The following MCTP1 variants were observed in gnomAD, a reference collection of about 807,000 sequenced individuals.
MCTP1 encodes the protein multiple C2 and transmembrane domain-containing protein 1.
MCTP1 carries 69 observed loss-of-function variants against 120.6 expected under a neutral mutation model. The observed-to-expected ratio is 0.57, with a 90% CI of 0.47 to 0.70. The LOEUF (loss-of-function observed/expected upper bound fraction) is 0.70, where lower values mean the gene tolerates loss of function less well. Ranked by LOEUF, MCTP1 falls within the 30% of genes least tolerant of loss-of-function variation. MCTP1 has a pLI of 0.00. For synonymous variants in MCTP1, 529 were observed against 493.1 expected (o/e 1.07, Z -0.96); for missense variants, 1,203 against 1,248.8 (o/e 0.96, Z 0.55).
intron 19 of MCTP1, among the ~76,000 whole-genome samples, chr5:94,749,709 C>A (rs1416720924): frequency 1.4e-5 from 2 of 142,352 alleles, no homozygotes; most frequent in Non-Finnish European, 3.0e-5. Flanking sequence ...GGAAAATGAG[C>A]TACTTTTCCC....
At chr5:94,768,330 A>AT (rs1773274599) in intron 19 of MCTP1, among the ~76,000 whole-genome samples, 1 of 152,192 alleles carries the variant, frequency 6.6e-6, no homozygotes, top group African/African-American at 2.4e-5. Flanking sequence ...GAAATACATC[A>AT]GGACATTGGT....
chr5:94,850,112 T>C (rs1000351675), intron 17 of MCTP1, among the ~76,000 whole-genome samples: 4 of 152,168 alleles, frequency 2.6e-5, no homozygotes, highest in African/African-American at 9.7e-5. Context: ...TTTTAGAAGA[T>C]TTGTGGATTA....
Position 95,099,669 on chromosome 5 carries a change from TTGG to T in MCTP1, c.721-82188_721-82186del, listed in dbSNP as rs1048518070. Among the ~76,000 whole-genome samples the T allele has an allele frequency of 7.6e-4, 115 of 151,070 alleles. 3 individuals carry two copies. The highest frequency in any genetic ancestry group is 2.5e-3 in the African/African-American group (104 of 41,036). On this transcript the variant is annotated intron_variant, in intron 1 of 22. Transcript: ENST00000515393. Reference sequence around the variant, plus strand: ...GAGAAATAGGAACACTTTTACACTGTTGGTGGGACTGTAAACTAGTTCGACCAT... The same window carrying T: ...GAGAAATAGGAACACTTTTACACTGTTGGGACTGTAAACTAGTTCGACCAT...
intron 2 of MCTP1, among the ~76,000 whole-genome samples, chr5:94,984,699 G>C (rs1346150033): frequency 6.6e-6 from 1 of 152,070 alleles, no homozygotes; most frequent in African/African-American, 2.4e-5. Flanking sequence ...CTGATAGATG[G>C]CTTTTCTTCT....
At chr5:95,085,188 T>A (rs1755333399) in intron 1 of MCTP1, among the ~76,000 whole-genome samples, 1 of 152,078 alleles carries the variant, frequency 6.6e-6, no homozygotes, top group Admixed American at 6.6e-5. Flanking sequence ...TCTTTACCTA[T>A]CCCATTACCT....
chr5:95,182,284 G>A (rs966341101), intron 1 of MCTP1, among the ~76,000 whole-genome samples: 9 of 152,118 alleles, frequency 5.9e-5, no homozygotes, highest in African/African-American at 2.2e-4. Flanking sequence ...AAGGCACAAA[G>A]GAGAAAACAT....
At position 94,963,357 on chromosome 5, in the gene MCTP1, T is replaced by TATTA. The variant is rs1554158353; in HGVS notation, c.839-9997_839-9996insTAAT. On this transcript the variant is annotated intron_variant, in intron 2 of 22. Transcript: ENST00000515393. Reference sequence around the variant, plus strand: ...TGCTAGGTAATATTGTAATTCTATTTTTTTTTTTTTTTGAGAAACCTCCAT... The same window carrying TATTA: ...TGCTAGGTAATATTGTAATTCTATTTATTATTTTTTTTTTTTGAGAAACCTCCAT... Among the ~76,000 whole-genome samples the TATTA allele has an allele frequency of 7.7e-3, 1,139 of 148,552 alleles. 12 individuals carry two copies. The highest frequency in any genetic ancestry group is 0.025 in the African/African-American group (1,008 of 40,192).
At chr5:94,838,249 A>C (rs1319921551) in intron 17 of MCTP1, among the ~76,000 whole-genome samples, 1 of 152,236 alleles carries the variant, frequency 6.6e-6, no homozygotes, top group Admixed American at 6.5e-5. Context: ...GTAAGTTATA[A>C]AAGTTTCATT....
In MCTP1 at chr5:95,231,453, A is replaced by T. The variant is rs113266085; in HGVS notation, c.720+52403T>A. ...CAGCCACAAAAACAAAAACAGACCA[A>T]ATCTATGATGTGAATCTATAGTTTT... On this transcript the variant is annotated intron_variant, in intron 1 of 22. Transcript: ENST00000515393. Among the ~76,000 whole-genome samples, 1,094 of 152,250 alleles carry T rather than the reference A, an allele frequency of 7.2e-3. 9 individuals carry two copies. Among genetic ancestry groups the T allele is most frequent in the African/African-American group, 0.025 (1,038 of 41,548 alleles).
intron 1 of MCTP1, among the ~76,000 whole-genome samples, chr5:95,231,612 C>T (rs916356264): frequency 3.9e-5 from 6 of 152,116 alleles, no homozygotes; most frequent in African/African-American, 1.4e-4. Flanking sequence ...GTAGCTGTAG[C>T]AGAGCCAGTG....
At chr5:94,764,847 A>C (rs2152866566) in intron 19 of MCTP1, among the ~76,000 whole-genome samples, 1 of 151,716 alleles carries the variant, frequency 6.6e-6, no homozygotes, top group South Asian at 2.1e-4. Flanking sequence ...AAAAAAAAAA[A>C]AAAAATCAAA....
At chr5:95,214,969 C>G (rs1464936304) in intron 1 of MCTP1, among the ~76,000 whole-genome samples, 1 of 151,900 alleles carries the variant, frequency 6.6e-6, no homozygotes, top group Non-Finnish European at 1.5e-5. Flanking sequence ...ACATATGTAA[C>G]AAACCTGCAC....
intron 1 of MCTP1, chr5:95,023,987 AT>A: frequency 2.7e-6 from 1 of 371,010 alleles, no homozygotes. Flanking sequence ...GCCTTCGTCT[AT>A]TTTGGACACT....
At chr5:95,160,352 G>C (rs972678336) in intron 1 of MCTP1, among the ~76,000 whole-genome samples, 1 of 152,112 alleles carries the variant, frequency 6.6e-6, no homozygotes, top group Non-Finnish European at 1.5e-5. Flanking sequence ...AATGGAGAAG[G>C]AGTACAATTA....
chr5:95,242,650 C>T (rs754519627), intron 1 of MCTP1, among the ~76,000 whole-genome samples: 9 of 151,996 alleles, frequency 5.9e-5, no homozygotes, highest in East Asian at 1.9e-4. Flanking sequence ...ATAAAAAGGA[C>T]GTATACTTTT....
intron 2 of MCTP1, among the ~76,000 whole-genome samples, chr5:94,984,158 A>G (rs1319488471): frequency 1.3e-5 from 2 of 152,328 alleles, no homozygotes; most frequent in Middle Eastern, 3.4e-3. Flanking sequence ...AGTATCCTCC[A>G]TAAGTTTCCA....
chr5:94,796,621 A>G (rs1253131482), intron 18 of MCTP1, among the ~76,000 whole-genome samples: 1 of 96,580 alleles, frequency 1.0e-5, no homozygotes, highest in Non-Finnish European at 2.2e-5. Flanking sequence ...TATAATATAT[A>G]TAATATATAT....
intron 1 of MCTP1, among the ~76,000 whole-genome samples, chr5:95,129,758 C>T (rs558840200): frequency 1.3e-5 from 2 of 152,098 alleles, no homozygotes; most frequent in East Asian, 3.9e-4. Context: ...CTTCTGGGTT[C>T]GAGCAATTCT....
intron 1 of MCTP1, among the ~76,000 whole-genome samples, chr5:95,074,975 C>G (rs1753190566): frequency 6.6e-6 from 1 of 152,180 alleles, no homozygotes; most frequent in South Asian, 2.1e-4. Context: ...CGGGAGCTGG[C>G]TGTATAATTT....
Sources: allele counts gnomAD v4.1 joint callset (sites outside exome capture counted in the v4.1 genomes callset), GRCh38; gene constraint gnomAD v4.1.1; transcripts MANE v1.5; gene names NCBI Gene and HGNC (gene_info 2026-07-23, HGNC 2026-07-21).